Variants in GTF2H4 observed in about 807,000 individuals in gnomAD.
The protein encoded by GTF2H4 is general transcription factor IIH subunit 4.
GTF2H4 carries 49 observed loss-of-function variants against 62.2 expected under a neutral mutation model. That is an observed-to-expected ratio of 0.79 (90% CI 0.63 to 1.00). The LOEUF is 1.00. GTF2H4 is among the 50% of genes least tolerant of loss of function. GTF2H4 has a pLI of 0.00. For missense variants in GTF2H4, 479 were observed against 587.8 expected (o/e 0.81, Z 1.91); for synonymous variants, 189 against 233.8 (o/e 0.81, Z 1.75).
chr6:30,913,000 G>A lies in GTF2H4; in HGVS notation c.1090-110G>A, dbSNP rs1170099588. On this transcript the variant is annotated intron_variant, in intron 11 of 13. Transcript: ENST00000259895. The surrounding 1 kb of genome is among the most constrained non-coding windows in gnomAD (Gnocchi z 4.8). ...GGGATGGGTGGAGTTGATGACAGGA[G>A]TTATGAGTTTTTAGAATAAGCTGAT... 1 of 1,066,842 alleles carries A rather than the reference G, an allele frequency of 9.4e-7. No homozygotes were observed. Among genetic ancestry groups the A allele is most frequent in the South Asian group, 1.4e-5 (1 of 70,852 alleles). The allele number at this position is 1,066,842 out of a possible 1,614,324, so 66.1% of individuals were successfully genotyped here.
rs2150541757 is a variant in GTF2H4 at position 30,913,203 on chromosome 6, C to T, written c.1137+46C>T. On this transcript the variant is annotated intron_variant, in intron 12 of 13. Coordinates refer to ENST00000259895, the MANE Select transcript of GTF2H4 (RefSeq NM_001517.5). This position sits in a 1 kb window ranked among gnomAD's most constrained non-coding sequence, Gnocchi z 4.2. ...GTCAGAGGCTGGCAGCTGGTGATGA[C>T]ATGATGGAAAAGAAAAAGGGGCATC... 1 of 1,613,466 alleles carries T rather than the reference C, an allele frequency of 6.2e-7. No homozygotes were observed. The highest frequency in any genetic ancestry group is 8.5e-7 in the Non-Finnish European group (1 of 1,179,562).
In GTF2H4 at chr6:30,912,964, A is replaced by C; in HGVS notation, c.1090-146A>C. 1 of 685,070 alleles carries C rather than the reference A, an allele frequency of 1.5e-6. No individual in the cohort carries two copies. Among genetic ancestry groups the C allele is most frequent in the South Asian group, 2.1e-5 (1 of 48,192 alleles). The allele number at this position is 685,070 out of a possible 1,614,324, so 42.4% of individuals were successfully genotyped here. Reference sequence around the variant, plus strand: ...TTGCTGGGAGCAGCAACGTGGGATAACAGCTGAACTGGGATGGGTGGAGTT... The same window carrying C: ...TTGCTGGGAGCAGCAACGTGGGATACCAGCTGAACTGGGATGGGTGGAGTT... On this transcript the variant is annotated intron_variant, in intron 11 of 13. Transcript: ENST00000259895. This position sits in a 1 kb window ranked among gnomAD's most constrained non-coding sequence, Gnocchi z 4.8.
Position 30,911,536 on chromosome 6 carries a change from G to C in GTF2H4, c.741+37G>C, listed in dbSNP as rs1380767509. On this transcript the variant is annotated intron_variant, in intron 8 of 13. Transcript: ENST00000259895. This position sits in a 1 kb window ranked among gnomAD's most constrained non-coding sequence, Gnocchi z 4.3. ...GCTGAAAGGTATAGAGATGGGAAGG[G>C]GAAAGCAAGTTGTGGGGCAGTAGAG... 9.5e-6 allele frequency: 15 copies of C among 1,574,696 alleles called. No individual in the cohort carries two copies. The highest frequency in any genetic ancestry group is 1.3e-5 in the Non-Finnish European group (15 of 1,144,072).
Position 30,914,100 on chromosome 6 carries a change from G to C in GTF2H4, c.*117G>C, listed in dbSNP as rs1793953524. On this transcript the variant is annotated 3_prime_UTR_variant, in exon 14 of 14. Transcript: ENST00000259895. ...TTTCTTGTTTAATAAAGTTATGATAGCTAGCAGTGCGGTCCCGGGCGCCTC... is the reference window on the plus strand; with the variant it reads ...TTTCTTGTTTAATAAAGTTATGATACCTAGCAGTGCGGTCCCGGGCGCCTC... The C allele has an allele frequency of 8.5e-6, 9 of 1,064,702 alleles. No individual in the cohort carries two copies. Among genetic ancestry groups the C allele is most frequent in the Non-Finnish European group, 1.0e-5 (8 of 769,346 alleles). The allele number at this position is 1,064,702 out of a possible 1,614,324, so 66.0% of individuals were successfully genotyped here. A position where few individuals can be genotyped will look rare whatever the true frequency, so the allele number is the denominator to read the frequency against.
rs1793777010 is a variant in GTF2H4, at chr6:30,911,901, G to A, written c.826-113G>A. ...AACTGAATACTTGGGTCTCTCGGGG[G>A]AGAGAAGTTGGGGGTTGAGGTTCTG... On this transcript the variant is annotated intron_variant, in intron 9 of 13. Transcript: ENST00000259895. This position sits in a 1 kb window ranked among gnomAD's most constrained non-coding sequence, Gnocchi z 4.3. 5.5e-6 allele frequency: 8 copies of A among 1,451,806 alleles called. No homozygotes were observed. In the Admixed American group the frequency reaches 1.4e-4, roughly 26 times the overall value. The allele number at this position is 1,451,806 out of a possible 1,614,324, so 89.9% of individuals were successfully genotyped here. A position where few individuals can be genotyped will look rare whatever the true frequency, so the allele number is the denominator to read the frequency against.
In GTF2H4 at chr6:30,913,178, G is replaced by A; in HGVS notation, c.1137+21G>A. The A allele has an allele frequency of 1.2e-6, 2 of 1,613,998 alleles. No individual in the cohort carries two copies. The highest frequency in any genetic ancestry group is 1.7e-4 in the Middle Eastern group (1 of 6,052). The stretch of plus-strand genomic sequence containing the variant: ...AACAGGTATAGACAGGCTCCAAGAT[G>A]TCAGAGGCTGGCAGCTGGTGATGAC... On this transcript the variant is annotated intron_variant, in intron 12 of 13. Transcript: ENST00000259895. The surrounding 1 kb of genome is among the most constrained non-coding windows in gnomAD (Gnocchi z 4.2).
chr6:30,910,107 C>T lies in GTF2H4; in HGVS notation c.374+44C>T. On this transcript the variant is annotated intron_variant, in intron 4 of 13. Coordinates refer to ENST00000259895, the MANE Select transcript of GTF2H4 (RefSeq NM_001517.5). The surrounding 1 kb of genome is among the most constrained non-coding windows in gnomAD (Gnocchi z 4.7). ...TTCCTAAGCTAGGGCAGGGGAACTG[C>T]TGCTTATTAAACCACTAATTAAACT... 6.2e-7 allele frequency: 1 copy of T among 1,600,776 alleles called. No homozygotes were observed.
Position 30,913,325 on chromosome 6 carries a change from C to T in GTF2H4, c.1154C>T (p.Pro385Leu). ...VMLKQTPVLPPTITDQIRLWE... is the reference protein window; with the variant it reads ...VMLKQTPVLPLTITDQIRLWE... The stretch of plus-strand genomic sequence containing the variant: ...TCCTTGCAGACACCTGTGCTGCCCC[C>T]CACCATCACCGACCAGATCCGGCTC... Residue 385 changes from proline to leucine, a missense_variant, in exon 13 of 14, where the codon CCC becomes CTC. Coordinates refer to ENST00000259895, the MANE Select transcript of GTF2H4 (RefSeq NM_001517.5). The surrounding 1 kb of genome is among the most constrained non-coding windows in gnomAD (Gnocchi z 4.2). The T allele has an allele frequency of 6.2e-7, 1 of 1,613,578 alleles. No homozygotes were observed. Among genetic ancestry groups the T allele is most frequent in the Non-Finnish European group, 8.5e-7 (1 of 1,180,018 alleles).
rs914724889 is a variant in GTF2H4, at chr6:30,911,088, G to A, written c.561-70G>A. 66 of 1,388,704 alleles carry A rather than the reference G, an allele frequency of 4.8e-5. No homozygotes were observed. Among genetic ancestry groups the A allele is most frequent in the African/African-American group, 8.5e-5 (6 of 70,540 alleles). 86.0% of individuals were successfully genotyped at this position (1,388,704 alleles called of 1,614,324 possible). ...ATAGCCAGAGATACCAAGAAAAAACGTGAGTGGACAAGTGGGGATAGTAGT... is the reference window on the plus strand; with the variant it reads ...ATAGCCAGAGATACCAAGAAAAAACATGAGTGGACAAGTGGGGATAGTAGT... On this transcript the variant is annotated intron_variant, in intron 6 of 13. Coordinates refer to ENST00000259895, the MANE Select transcript of GTF2H4 (RefSeq NM_001517.5). The surrounding 1 kb of genome is among the most constrained non-coding windows in gnomAD (Gnocchi z 4.3).
Position 30,912,149 on chromosome 6 carries a change from G to T in GTF2H4, c.958+3G>T. ...TTACCGACTGTATGCCTACACGGGTGAGGCGGGACAGAGGGCCCCTGGAAG... is the reference window on the plus strand; with the variant it reads ...TTACCGACTGTATGCCTACACGGGTTAGGCGGGACAGAGGGCCCCTGGAAG... On this transcript the variant is annotated splice_donor_region_variant and intron_variant, in intron 10 of 13. Coordinates refer to ENST00000259895, the MANE Select transcript of GTF2H4 (RefSeq NM_001517.5). This position sits in a 1 kb window ranked among gnomAD's most constrained non-coding sequence, Gnocchi z 4.8. The T allele has an allele frequency of 6.2e-7, 1 of 1,612,932 alleles. No homozygotes were observed. The highest frequency in any genetic ancestry group is 8.5e-7 in the Non-Finnish European group (1 of 1,179,984).
chr6:30,913,548 T>C lies in GTF2H4; in HGVS notation c.1216+161T>C, dbSNP rs1793909815. ...TCGGTAGTAAACAAATCGTCCCAAA[T>C]CAATGCACTTTGGATTTGGCTAGGT... is the stretch of plus-strand genomic sequence containing the variant. On this transcript the variant is annotated intron_variant, in intron 13 of 13. Coordinates refer to ENST00000259895, the MANE Select transcript of GTF2H4 (RefSeq NM_001517.5). This position sits in a 1 kb window ranked among gnomAD's most constrained non-coding sequence, Gnocchi z 4.2. 6.6e-6 allele frequency among the ~76,000 whole-genome samples: 1 copy of C among 152,198 alleles called. No individual in the cohort carries two copies. The highest frequency in any genetic ancestry group is 1.5e-5 in the Non-Finnish European group (1 of 68,034).
In GTF2H4 at chr6:30,911,993, C is replaced by G. The variant is rs767208549; in HGVS notation, c.826-21C>G. The G allele has an allele frequency of 5.6e-6, 9 of 1,611,616 alleles. No individual in the cohort carries two copies. Among genetic ancestry groups the G allele is most frequent in the Non-Finnish European group, 7.6e-6 (9 of 1,179,400 alleles). ...GGCAGTGACTTCTGAGACAAGGCATCTGCCTTTCTATTCTTTTCAGAGGAA... is the reference window on the plus strand; with the variant it reads ...GGCAGTGACTTCTGAGACAAGGCATGTGCCTTTCTATTCTTTTCAGAGGAA... On this transcript the variant is annotated intron_variant, in intron 9 of 13. Transcript: ENST00000259895. This position sits in a 1 kb window ranked among gnomAD's most constrained non-coding sequence, Gnocchi z 4.3.
At position 30,913,545 on chromosome 6, in the gene GTF2H4, A is replaced by T. The variant is rs1178880705; in HGVS notation, c.1216+158A>T. 6.6e-6 allele frequency among the ~76,000 whole-genome samples: 1 copy of T among 152,230 alleles called. No homozygotes were observed. Among genetic ancestry groups the T allele is most frequent in the African/African-American group, 2.4e-5 (1 of 41,464 alleles). ...GAGTCGGTAGTAAACAAATCGTCCC[A>T]AATCAATGCACTTTGGATTTGGCTA... On this transcript the variant is annotated intron_variant, in intron 13 of 13. Coordinates refer to ENST00000259895, the MANE Select transcript of GTF2H4 (RefSeq NM_001517.5). This position sits in a 1 kb window ranked among gnomAD's most constrained non-coding sequence, Gnocchi z 4.2.
chr6:30,909,537 C>A lies in GTF2H4; in HGVS notation c.240C>A (p.Ser80Arg). 1 of 1,586,938 alleles carries A rather than the reference C, an allele frequency of 6.3e-7. No homozygotes were observed. The highest frequency in any genetic ancestry group is 8.6e-7 in the Non-Finnish European group (1 of 1,156,498). ...CTCTGTGGGTAAAGAAGGAATTCAG[C>A]AAGTAAGTCTCAGCCAGATACAAAT... ...AVALWVKKEF[S>R]KAQEESTGLL... is the part of the protein sequence containing the mutation. Residue 80 changes from serine (S) to arginine (R), a missense_variant and splice_region_variant, in exon 3 of 14, where the codon AGC becomes AGA. By Grantham distance (110) the Ser-to-Arg change is moderately radical (BLOSUM62 -1). Coordinates refer to ENST00000259895, the MANE Select transcript of GTF2H4 (RefSeq NM_001517.5). The surrounding 1 kb of genome is among the most constrained non-coding windows in gnomAD (Gnocchi z 4.3).
Sources: gnomAD v4.1 joint callset for allele counts (sites outside exome capture counted in the v4.1 genomes callset) on GRCh38, gnomAD v4.1.1 for gene constraint, Gnocchi (gnomAD v3.1) non-coding constraint, MANE v1.5 for transcripts, NCBI Gene and HGNC (gene_info 2026-07-23, HGNC 2026-07-21) for gene names.